Variants in IL15 observed in about 807,000 individuals in gnomAD.
IL15 encodes the protein interleukin 15, also known as interleukin-15.
In IL15, 11 loss-of-function variants were observed where a neutral mutation model predicts 19.6. The observed-to-expected ratio is 0.56, with a 90% confidence interval of 0.35 to 0.93. IL15 has a LOEUF of 0.93. IL15 is among the 40% of genes least tolerant of loss of function. IL15 has a pLI of 0.01. For missense variants in IL15, 197 were observed against 186.5 expected, an observed-to-expected ratio of 1.06 and a Z score of -0.33; for synonymous variants, 58 against 59.6, an observed-to-expected ratio of 0.97 and a Z score of 0.12.
intron 1 of IL15, among the ~76,000 whole-genome samples, chr4:141,644,899 G>T (rs184680764): frequency 6.6e-6 from 1 of 152,096 alleles, no homozygotes; most frequent in Non-Finnish European, 1.5e-5. Flanking sequence ...TACATGTTCC[G>T]GATTAAGGTT....
chr4:141,727,845 GAATT>G, intron 5 of IL15, 91 bp from the exon 6 acceptor site: 1 of 665,376 alleles, frequency 1.5e-6, no homozygotes, highest in Non-Finnish European at 2.6e-6. Flanking sequence ...AATAAAAAAA[GAATT>G]AAAAACAATT....
At chr4:141,656,502 C>G (rs911139346) in intron 2 of IL15, among the ~76,000 whole-genome samples, 195 bp downstream of exon 2, 14 of 152,084 alleles carry the variant, frequency 9.2e-5, no homozygotes, top group African/African-American at 3.4e-4. Flanking sequence ...CAGAATATTG[C>G]ACATAATTTT....
intron 2 of IL15, among the ~76,000 whole-genome samples, chr4:141,692,092 A>T (rs1728931088): frequency 6.6e-6 from 1 of 152,248 alleles, no homozygotes; most frequent in African/African-American, 2.4e-5. Context: ...GCCAAACACC[A>T]TGTGGAAACC....
chr4:141,668,610 T>G (rs771780294), intron 2 of IL15, among the ~76,000 whole-genome samples: 24 of 152,336 alleles, frequency 1.6e-4, no homozygotes, highest in Non-Finnish European at 3.1e-4. Flanking sequence ...CCTACTGGTG[T>G]GTCAGTACTG....
rs553476229 is a variant in IL15 at position 141,690,225 on chromosome 4, C to T, written c.-99-29141C>T. The stretch of plus-strand genomic sequence containing the variant: ...CAAGCGCCGCACGCAGGCCCGGTTC[C>T]CGCTCGCACCTCTCCCTCCACACCT... On this transcript the variant is annotated intron_variant, in intron 2 of 7. Transcript: ENST00000320650. Among the ~76,000 whole-genome samples the T allele has an allele frequency of 5.9e-5, 9 of 152,322 alleles. No homozygotes were observed. In the East Asian group the frequency reaches 1.7e-3, roughly 30 times the overall value.
rs1364215941 is a variant in IL15, at chr4:141,721,555, G to C, written c.111-369G>C. 24 of 525,008 alleles carry C rather than the reference G, an allele frequency of 4.6e-5. No individual in the cohort carries two copies. The East Asian group carries it at 1.1e-3, about 23-fold the overall frequency. 32.5% of individuals were successfully genotyped at this position (525,008 alleles called of 1,614,324 possible). ...TTTTACCTATTTATTAGACTTCAAA[G>C]TCTCTGTAAATCTCTACTTAAAGGA... On this transcript the variant is annotated intron_variant, in intron 4 of 7. Transcript: ENST00000320650.
chr4:141,639,738 G>A (rs1050006219), intron 1 of IL15, among the ~76,000 whole-genome samples: 1 of 152,202 alleles, frequency 6.6e-6, no homozygotes, highest in African/African-American at 2.4e-5. Context: ...CTCGATATTA[G>A]CTCTTTGATT....
chr4:141,719,487 A>C lies in IL15; in HGVS notation c.12+11A>C. The C allele has an allele frequency of 8.1e-7, 1 of 1,231,596 alleles. No homozygotes were observed. Among genetic ancestry groups the C allele is most frequent in the Non-Finnish European group, 1.2e-6 (1 of 836,826 alleles). The allele number at this position is 1,231,596 out of a possible 1,614,324, so 76.3% of individuals were successfully genotyped here. On this transcript the variant is annotated intron_variant, in intron 3 of 7. Transcript: ENST00000320650. ...GTAATGAGAATTTCGGTAAGAAAAA[A>C]AATAGATGAAAATATCCTATGGAAT...
chr4:141,701,157 A>G (rs574956728), intron 2 of IL15, among the ~76,000 whole-genome samples: 2 of 152,100 alleles, frequency 1.3e-5, no homozygotes, highest in African/African-American at 2.4e-5. Flanking sequence ...CTGGGAGCTA[A>G]TGTGATCTTT....
At chr4:141,638,946 C>G (rs1199380336) in intron 1 of IL15, among the ~76,000 whole-genome samples, 2 of 152,148 alleles carry the variant, frequency 1.3e-5, no homozygotes, top group Admixed American at 1.3e-4. Context: ...GAGTTCTGCT[C>G]ATTGTGTTAA....
intron 2 of IL15, among the ~76,000 whole-genome samples, chr4:141,667,088 C>T (rs940476351): frequency 2.0e-5 from 3 of 152,130 alleles, no homozygotes; most frequent in Non-Finnish European, 4.4e-5. Context: ...GTGGCACATC[C>T]CATTTACACA....
In IL15 at chr4:141,721,939, G is replaced by T. The variant is rs774006958; in HGVS notation, c.126G>T (p.Gly42=). The change falls in exon 5 of 8, where the codon GGG becomes GGT. Residue 42 remains glycine (G), a synonymous_variant. Coordinates refer to ENST00000320650, the MANE Select transcript of IL15 (RefSeq NM_000585.5). Reference sequence around the variant, plus strand: ...TTTCTTTCAGCTGTTTCAGTGCAGGGCTTCCTAAAACAGAAGCCAACTGGG... The same window carrying T: ...TTTCTTTCAGCTGTTTCAGTGCAGGTCTTCCTAAAACAGAAGCCAACTGGG... The part of the protein sequence containing the change: ...HVFILGCFSA[G]LPKTEANWVN... 7.5e-6 allele frequency: 12 copies of T among 1,589,492 alleles called. No individual in the cohort carries two copies. The highest frequency in any genetic ancestry group is 1.0e-5 in the Non-Finnish European group (12 of 1,161,888).
At chr4:141,731,007 G>A (rs1355092958) in intron 7 of IL15, among the ~76,000 whole-genome samples, 1 of 152,094 alleles carries the variant, frequency 6.6e-6, no homozygotes, top group Admixed American at 6.5e-5. Flanking sequence ...CTCCAGTTAG[G>A]GTAGGCTGAG....
At chr4:141,661,775 T>G (rs1325029533) in intron 2 of IL15, among the ~76,000 whole-genome samples, 5 of 152,120 alleles carry the variant, frequency 3.3e-5, no homozygotes, top group Admixed American at 3.3e-4. Flanking sequence ...ATTGGCTCCC[T>G]CCGCCCTCCA....
At chr4:141,696,903 T>C (rs1487574175) in intron 2 of IL15, among the ~76,000 whole-genome samples, 1 of 152,154 alleles carries the variant, frequency 6.6e-6, no homozygotes, top group Non-Finnish European at 1.5e-5. Context: ...TTGTACGTTA[T>C]GAATATTAGT....
chr4:141,727,578 T>C (rs1730312035), intron 5 of IL15, among the ~76,000 whole-genome samples: 1 of 152,136 alleles, frequency 6.6e-6, no homozygotes, highest in Non-Finnish European at 1.5e-5. Flanking sequence ...GTGTCTTAAC[T>C]GTGGTGGTGG....
intron 5 of IL15, among the ~76,000 whole-genome samples, chr4:141,723,215 C>A (rs548876025): frequency 6.6e-6 from 1 of 152,048 alleles, no homozygotes; most frequent in Non-Finnish European, 1.5e-5. Context: ...AATAGTGTCC[C>A]CCCAAATTTC....
intron 2 of IL15, among the ~76,000 whole-genome samples, chr4:141,660,918 C>G (rs1408498150): frequency 1.3e-5 from 2 of 152,112 alleles, no homozygotes; most frequent in African/African-American, 2.4e-5. Context: ...ACACTTTTGT[C>G]ATCCCTACAC....
At chr4:141,637,146 G>A (rs1444939467) in intron 1 of IL15, 1 of 152,244 alleles carries the variant, frequency 6.6e-6, no homozygotes, top group East Asian at 1.9e-4. Context: ...GCCAAGCTGC[G>A]GGTTTCTGAG....
Sources: allele counts gnomAD v4.1 joint callset (sites outside exome capture counted in the v4.1 genomes callset), GRCh38; gene constraint gnomAD v4.1.1; transcripts MANE v1.5; gene names NCBI Gene and HGNC (gene_info 2026-07-23, HGNC 2026-07-21).